Variants in MEP1A observed in about 807,000 individuals in gnomAD.
MEP1A encodes the protein meprin A subunit alpha, also known as N-benzoyl-L-tyrosyl-P-amino-benzoic acid hydrolase subunit alpha.
In MEP1A, 68 loss-of-function variants were observed where a neutral mutation model predicts 84.5. The ratio of observed to expected loss-of-function variants is 0.80; its 90% CI spans 0.66 to 0.98. MEP1A has a LOEUF of 0.98. Among genes scored for constraint, MEP1A ranks in the 50% least tolerant of loss-of-function variants. The pLI, the probability that MEP1A is intolerant of heterozygous loss-of-function variation, is 0.00. For synonymous variants in MEP1A, 337 were observed against 336.8 expected, an observed-to-expected ratio of 1.00 and a Z score of -0.01; for missense variants, 887 against 919.9, an observed-to-expected ratio of 0.96 and a Z score of 0.46.
intron 3 of MEP1A, among the ~76,000 whole-genome samples, chr6:46,798,252 G>A (rs912489438): frequency 8.5e-5 from 13 of 152,226 alleles, no homozygotes; most frequent in African/African-American, 3.1e-4. Flanking sequence ...ACAGGCATGA[G>A]CCACAACGCC....
rs1767121815 is a variant in MEP1A, at chr6:46,798,654, C to T, written c.186+8C>T. On this transcript the variant is annotated splice_region_variant and intron_variant, in intron 4 of 13. Transcript: ENST00000230588. ...GGGGACATCCTCTTGCAGGTGAGTA[C>T]CTGTCAATGATGCAATAAGTTTCTC... 2 of 1,612,872 alleles carry T rather than the reference C, an allele frequency of 1.2e-6. No individual in the cohort carries two copies. The highest frequency in any genetic ancestry group is 1.1e-5 in the South Asian group (1 of 91,078).
chr6:46,829,462 A>AT lies in MEP1A; in HGVS notation c.1040dup (p.Tyr348LeufsTer2), dbSNP rs1297988518. 2 of 1,614,126 alleles carry AT rather than the reference A, an allele frequency of 1.2e-6. No individual in the cohort carries two copies. Among genetic ancestry groups the AT allele is most frequent in the Non-Finnish European group, 8.5e-7 (1 of 1,180,016 alleles). ...CAAAGAGGAAGCAGCAGTGCCTGCA[A>AT]TTTTTCTATAAAATGACGGGAAGTC... On this transcript the variant is annotated frameshift_variant, in exon 10 of 14. Transcript: ENST00000230588. LOFTEE classifies it high-confidence loss of function.
chr6:46,835,570 G>A, intron 13 of MEP1A, 21 bp downstream of exon 13: 1 of 1,611,600 alleles, frequency 6.2e-7, no homozygotes, highest in Non-Finnish European at 8.5e-7. Context: ...TGGCTGGGGA[G>A]ACAGGCAGGC....
At chr6:46,801,823 C>T (rs375807491) in intron 5 of MEP1A, among the ~76,000 whole-genome samples, 45 of 152,110 alleles carry the variant, frequency 3.0e-4, no homozygotes, top group African/African-American at 1.1e-3. Flanking sequence ...TATTTATTAG[C>T]CCAGTTGTTC....
chr6:46,819,423 T>C (rs750539691), intron 6 of MEP1A, 106 bp from the exon 7 acceptor site: 2 of 893,416 alleles, frequency 2.2e-6, no homozygotes, highest in Non-Finnish European at 3.4e-6. Context: ...GTAATTTCTT[T>C]CTAAAATCAA....
intron 5 of MEP1A, among the ~76,000 whole-genome samples, chr6:46,807,373 T>C (rs994036807): frequency 6.6e-6 from 1 of 151,364 alleles, no homozygotes; most frequent in Non-Finnish European, 1.5e-5. Context: ...ATCTTAAGTG[T>C]AGCAAACCAC....
At chr6:46,824,439 G>A (rs1013803241) in intron 7 of MEP1A, among the ~76,000 whole-genome samples, 2 of 143,946 alleles carry the variant, frequency 1.4e-5, no homozygotes, top group East Asian at 4.0e-4. Context: ...TATTAATAAT[G>A]ATTCATAGTA....
chr6:46,838,086 A>G (rs1281963098), intron 13 of MEP1A, among the ~76,000 whole-genome samples: 1 of 148,844 alleles, frequency 6.7e-6, no homozygotes, highest in South Asian at 2.1e-4. Flanking sequence ...TATTTTTAGT[A>G]GAGATGAGAC....
Position 46,809,423 on chromosome 6 carries a change from T to C in MEP1A, c.266T>C (p.Leu89Pro), listed in dbSNP as rs572984927. 7.6e-5 allele frequency: 122 copies of C among 1,597,190 alleles called. No individual in the cohort carries two copies. The highest frequency in any genetic ancestry group is 9.7e-5 in the Non-Finnish European group (113 of 1,168,104). ...IPYILADNLG[L>P]NAKGAILYAF... ...ATATTTTTACTGATTTCTGCAGGGC[T>C]GAATGCTAAAGGAGCCATTCTGTAT... Residue 89 changes from leucine to proline, a missense_variant, in exon 6 of 14, where the codon CTG becomes CCG. Leu to Pro is a moderately conservative substitution (Grantham distance 98). Coordinates refer to ENST00000230588, the MANE Select transcript of MEP1A (RefSeq NM_005588.3).
chr6:46,823,962 A>T (rs1194693647), intron 7 of MEP1A, among the ~76,000 whole-genome samples: 2 of 152,052 alleles, frequency 1.3e-5, no homozygotes, highest in Non-Finnish European at 2.9e-5. Flanking sequence ...TTTGTTCTCC[A>T]TGAGGCTATT....
the MEP1A span, among the ~76,000 whole-genome samples, chr6:46,845,325 G>A: frequency 1.3e-5 from 2 of 152,216 alleles, no homozygotes; most frequent in Non-Finnish European, 2.9e-5. Flanking sequence ...CAGAGTGAGA[G>A]CTGCCAAATG....
In MEP1A at chr6:46,836,775, G is replaced by A. The variant is rs183271687; in HGVS notation, c.2084+1226G>A. Among the ~76,000 whole-genome samples the A allele has an allele frequency of 2.7e-5, 4 of 146,604 alleles. No individual in the cohort carries two copies. In the East Asian group the frequency reaches 8.0e-4, roughly 29 times the overall value. ...TGTCCTTCATTACCTTGACACTTTCGAAGATTACTGGTCAGGGATTTTTTT... is the reference window on the plus strand; with the variant it reads ...TGTCCTTCATTACCTTGACACTTTCAAAGATTACTGGTCAGGGATTTTTTT... On this transcript the variant is annotated intron_variant, in intron 13 of 13. Coordinates refer to ENST00000230588, the MANE Select transcript of MEP1A (RefSeq NM_005588.3).
chr6:46,827,208 C>T (rs957397930), intron 9 of MEP1A, among the ~76,000 whole-genome samples: 3 of 152,146 alleles, frequency 2.0e-5, no homozygotes, highest in East Asian at 3.9e-4. Context: ...TCACCACTTA[C>T]TAATTGTGAC....
chr6:46,835,616 T>TAA, intron 13 of MEP1A, 67 bp downstream of exon 13: 1 of 1,527,528 alleles, frequency 6.5e-7, no homozygotes, highest in Non-Finnish European at 9.0e-7. Flanking sequence ...TTGCTCCTGG[T>TAA]AAAGGCTGCT....
intron 5 of MEP1A, among the ~76,000 whole-genome samples, chr6:46,799,968 A>T (rs1260639778): frequency 1.3e-5 from 2 of 152,052 alleles, no homozygotes; most frequent in Admixed American, 1.3e-4. Context: ...GGCTGCTCCT[A>T]CTCTCAGGAG....
chr6:46,809,597 T>C lies in MEP1A; in HGVS notation c.380+60T>C. On this transcript the variant is annotated intron_variant, in intron 6 of 13. Coordinates refer to ENST00000230588, the MANE Select transcript of MEP1A (RefSeq NM_005588.3). ...ATACTTTGGTTCGTAAGAAGTATTC[T>C]TTCCCCGAGTCCCCAAAGTCCAATG... is the stretch of plus-strand genomic sequence containing the variant. 8 of 1,092,796 alleles carry C rather than the reference T, an allele frequency of 7.3e-6. No homozygotes were observed. In the South Asian group the frequency reaches 8.3e-5, roughly 11 times the overall value. The allele number at this position is 1,092,796 out of a possible 1,614,324, so 67.7% of individuals were successfully genotyped here. A position where few individuals can be genotyped will look rare whatever the true frequency, so the allele number is the denominator to read the frequency against.
Position 46,799,257 on chromosome 6 carries a change from A to G in MEP1A, c.262+76A>G, listed in dbSNP as rs1767139506. On this transcript the variant is annotated intron_variant, in intron 5 of 13. Coordinates refer to ENST00000230588, the MANE Select transcript of MEP1A (RefSeq NM_005588.3). Reference sequence around the variant, plus strand: ...CTCTCAGCCTGTCCATGGGCTTCACATTGGGAGTAACCACCACGATCTAAG... The same window carrying G: ...CTCTCAGCCTGTCCATGGGCTTCACGTTGGGAGTAACCACCACGATCTAAG... 19 of 959,110 alleles carry G rather than the reference A, an allele frequency of 2.0e-5. No homozygotes were observed. The South Asian group carries it at 2.1e-4, about 11-fold the overall frequency. The allele number at this position is 959,110 out of a possible 1,614,324, so 59.4% of individuals were successfully genotyped here. A position where few individuals can be genotyped will look rare whatever the true frequency, so the allele number is the denominator to read the frequency against.
rs772891295 is a variant in MEP1A, at chr6:46,829,416, T to C, written c.989T>C (p.Leu330Pro). 1 of 1,614,138 alleles carries C rather than the reference T, an allele frequency of 6.2e-7. No homozygotes were observed. The highest frequency in any genetic ancestry group is 8.5e-7 in the Non-Finnish European group (1 of 1,180,038). The change falls in exon 10 of 14, where the codon CTG becomes CCG. Residue 330 changes from leucine to proline, a missense_variant. By Grantham distance (98) the Leu-to-Pro change is moderately conservative. Coordinates refer to ENST00000230588, the MANE Select transcript of MEP1A (RefSeq NM_005588.3). ...SSGSAEEAALLESRILYPKRK... is the reference protein window; with the variant it reads ...SSGSAEEAALPESRILYPKRK... The stretch of plus-strand genomic sequence containing the variant: ...GGGTCCGCGGAAGAGGCAGCCCTAC[T>C]GGAGTCTCGGATTCTTTACCCAAAG...
chr6:46,793,709 C>T lies in MEP1A; in HGVS notation c.138C>T (p.Ile46=), dbSNP rs1766985395. ...GTGAACAGAAGGATATTTCAGAAAT[C>T]AATTTAGGTGAGTTCAATTTTTGTG... is the stretch of plus-strand genomic sequence containing the variant. ...DFGEQKDISE[I]NLAAGLDLFQ... Residue 46 remains isoleucine, a synonymous_variant, in exon 3 of 14, where the codon ATC becomes ATT. Transcript: ENST00000230588. The T allele has an allele frequency of 6.2e-7, 1 of 1,607,294 alleles. No individual in the cohort carries two copies. Among genetic ancestry groups the T allele is most frequent in the Admixed American group, 1.7e-5 (1 of 59,874 alleles).
Sources: gnomAD v4.1 joint callset for allele counts (sites outside exome capture counted in the v4.1 genomes callset) on GRCh38, gnomAD v4.1.1 for gene constraint, MANE v1.5 for transcripts, NCBI Gene and HGNC (gene_info 2026-07-23, HGNC 2026-07-21) for gene names.